The following CENPH variants were observed in gnomAD, a reference collection of about 807,000 sequenced individuals.
CENPH encodes the protein CENP-H.
In CENPH, 40 loss-of-function variants were observed where a neutral mutation model predicts 42.9. The ratio of observed to expected loss-of-function variants is 0.93; its 90% CI spans 0.72 to 1.21. The LOEUF (loss-of-function observed/expected upper bound fraction) is 1.21, where lower values mean the gene tolerates loss of function less well. Among genes scored for constraint, CENPH ranks in the 50% most tolerant of loss-of-function variants. CENPH has a pLI of 0.00. For missense variants in CENPH, 302 were observed against 292.9 expected (o/e 1.03, Z -0.23); for synonymous variants, 88 against 96.5 (o/e 0.91, Z 0.52).
intron 2 of CENPH, among the ~76,000 whole-genome samples, chr5:69,193,046 GAGA>G (rs1214759930): frequency 1.3e-5 from 2 of 151,826 alleles, no homozygotes; most frequent in Admixed American, 1.3e-4. Context: ...GCAGTGACGC[GAGA>G]TCACGCCATT....
At chr5:69,195,263 A>C (rs1330679099) in intron 3 of CENPH, among the ~76,000 whole-genome samples, 1 of 152,046 alleles carries the variant, frequency 6.6e-6, no homozygotes, top group Non-Finnish European at 1.5e-5. Flanking sequence ...ATGGGGCCTC[A>C]TTTTGTTGCC....
chr5:69,197,364 A>G (rs994259386), intron 5 of CENPH: 2 of 333,474 alleles, frequency 6.0e-6, no homozygotes, highest in Non-Finnish European at 1.1e-5. Flanking sequence ...GAAAGCTTTA[A>G]AAGTTCATTT....
rs996149066 is a variant in CENPH at position 69,205,683 on chromosome 5, G to GT, written c.488-2505dup. Among the ~76,000 whole-genome samples, 14 of 99,612 alleles carry GT rather than the reference G, an allele frequency of 1.4e-4. No individual in the cohort carries two copies. The South Asian group carries it at 2.3e-3, about 17-fold the overall frequency. The allele number at this position is 99,612 out of a possible 152,430, so 65.3% of individuals were successfully genotyped here. On this transcript the variant is annotated intron_variant, in intron 7 of 8. Transcript: ENST00000283006. ...TGCATGCCACCATGCCTGGCTAATT[G>GT]TTTTTTTTCTGTAGATATCTTTTTT...
intron 2 of CENPH, 144 bp downstream of exon 2, chr5:69,191,994 T>C: frequency 1.9e-6 from 1 of 529,878 alleles, no homozygotes; most frequent in South Asian, 2.7e-5. Flanking sequence ...CCAGCAATCC[T>C]CCCACCTCAG....
intron 5 of CENPH, among the ~76,000 whole-genome samples, chr5:69,198,277 G>A (rs967054010): frequency 1.3e-5 from 2 of 151,438 alleles, no homozygotes; most frequent in Admixed American, 6.6e-5. Context: ...CTTCCCTTGA[G>A]CACCAGAAAA....
intron 5 of CENPH, among the ~76,000 whole-genome samples, chr5:69,200,918 A>G (rs1466951769): frequency 6.6e-6 from 1 of 150,586 alleles, no homozygotes; most frequent in Admixed American, 6.6e-5. Flanking sequence ...TTGTATTTTT[A>G]GTAGAGATGG....
chr5:69,207,529 C>T lies in CENPH; in HGVS notation c.488-667C>T, dbSNP rs551196719. On this transcript the variant is annotated intron_variant, in intron 7 of 8. Transcript: ENST00000283006. ...TAAATGAAAAGTAAGATTCCTTGGC[C>T]GGGCGCGGTGGCTCACGCCTGTAAT... 1.1e-4 allele frequency among the ~76,000 whole-genome samples: 16 copies of T among 142,854 alleles called. No individual in the cohort carries two copies. The South Asian group carries it at 2.8e-3, about 25-fold the overall frequency. The allele number at this position is 142,854 out of a possible 152,430, so 93.7% of individuals were successfully genotyped here. A position where few individuals can be genotyped will look rare whatever the true frequency, so the allele number is the denominator to read the frequency against.
chr5:69,200,938 A>G (rs1424318693), intron 5 of CENPH, among the ~76,000 whole-genome samples: 1 of 150,184 alleles, frequency 6.7e-6, no homozygotes, highest in Non-Finnish European at 1.5e-5. Context: ...GGGTTTTGCC[A>G]TGTTGGCCAG....
chr5:69,194,535 TG>T (rs1225583351), intron 2 of CENPH, 111 bp from the exon 3 acceptor site: 5 of 587,510 alleles, frequency 8.5e-6, no homozygotes, highest in Non-Finnish European at 1.5e-5. Context: ...TTTTCTGTAA[TG>T]TGAAAACGAC....
At chr5:69,195,010 A>G (rs1404460527) in intron 3 of CENPH, among the ~76,000 whole-genome samples, 1 of 150,772 alleles carries the variant, frequency 6.6e-6, no homozygotes, top group Non-Finnish European at 1.5e-5. Context: ...TGGGTGGATC[A>G]CCCGAGGTCG....
chr5:69,190,727 T>C (rs1388868777), intron 1 of CENPH, among the ~76,000 whole-genome samples: 2 of 152,102 alleles, frequency 1.3e-5, no homozygotes, highest in Non-Finnish European at 2.9e-5. Context: ...CCGTCTCTAC[T>C]AAAAATACAA....
intron 7 of CENPH, among the ~76,000 whole-genome samples, chr5:69,205,182 T>A (rs951524890): frequency 2.6e-5 from 4 of 151,988 alleles, no homozygotes; most frequent in African/African-American, 9.7e-5. Flanking sequence ...CCTCCCAAAG[T>A]GCTGGGATTA....
At chr5:69,198,048 G>C (rs1249403005) in intron 5 of CENPH, among the ~76,000 whole-genome samples, 4 of 149,950 alleles carry the variant, frequency 2.7e-5, no homozygotes, top group African/African-American at 9.8e-5. Context: ...AGCCTCCCGA[G>C]CAGCTGGGAC....
At chr5:69,201,033 T>C (rs1748053110) in intron 5 of CENPH, among the ~76,000 whole-genome samples, 1 of 151,620 alleles carries the variant, frequency 6.6e-6, no homozygotes, top group Non-Finnish European at 1.5e-5. Context: ...CTTGCTATAT[T>C]GCCCAGGTCT....
At chr5:69,204,604 T>TTTTTTTTTTTTTTTTTTG (rs1748118553) in intron 7 of CENPH, among the ~76,000 whole-genome samples, 1 of 124,844 alleles carries the variant, frequency 8.0e-6, no homozygotes, top group Non-Finnish European at 1.7e-5. Context: ...TTTCTTTTTT[T>TTTTTTTTTTTTTTTTTTG]TTTTTTTTTT....
chr5:69,191,234 C>T (rs1327219884), intron 1 of CENPH, among the ~76,000 whole-genome samples: 2 of 152,040 alleles, frequency 1.3e-5, no homozygotes, highest in African/African-American at 4.8e-5. Flanking sequence ...CTTAAGCGGC[C>T]GGGTGCGGTG....
Position 69,209,770 on chromosome 5 carries a change from C to T in CENPH, c.715C>T (p.Gln239Ter), listed in dbSNP as rs747527479. Reference protein sequence around the residue: ...EDPALKEIVLQLEKNVDMM With the variant: ...EDPALKEIVL ...TCCTGCCCTTAAGGAAATTGTTCTGCAGCTTGAGAAGAATGTTGACATGAT... is the reference window on the plus strand; with the variant it reads ...TCCTGCCCTTAAGGAAATTGTTCTGTAGCTTGAGAAGAATGTTGACATGAT... The change falls in exon 9 of 9, where the codon CAG (glutamine) becomes TAG (stop). Residue 239 changes from glutamine (Q) to a stop codon, truncating the protein, a stop_gained. Coordinates refer to ENST00000283006, the MANE Select transcript of CENPH (RefSeq NM_022909.4). LOFTEE classifies it high-confidence loss of function. The T allele has an allele frequency of 3.1e-6, 5 of 1,600,246 alleles. No homozygotes were observed. Among genetic ancestry groups the T allele is most frequent in the Admixed American group, 1.7e-5 (1 of 59,606 alleles).
chr5:69,203,749 T>G (rs895995116), intron 7 of CENPH, among the ~76,000 whole-genome samples: 1 of 151,960 alleles, frequency 6.6e-6, no homozygotes, highest in African/African-American at 2.4e-5. Context: ...GTGATCCGTC[T>G]GCCTTGGCCT....
intron 2 of CENPH, 107 bp from the exon 3 acceptor site, chr5:69,194,540 A>C (rs768379634): frequency 1.8e-5 from 11 of 607,278 alleles, no homozygotes; most frequent in Non-Finnish European, 2.9e-5. Context: ...TGTAATGTGA[A>C]AACGACATTT....
Sources: allele counts gnomAD v4.1 joint callset (sites outside exome capture counted in the v4.1 genomes callset), GRCh38; gene constraint gnomAD v4.1.1; transcripts MANE v1.5; gene names NCBI Gene and HGNC (gene_info 2026-07-23, HGNC 2026-07-21).